The following PAM variants were observed in gnomAD, a reference collection of about 807,000 sequenced individuals.
The protein encoded by PAM is peptidylglycine alpha-amidating monooxygenase.
A neutral mutation model predicts 122.1 loss-of-function variants in PAM; 72 were observed. The observed-to-expected ratio is 0.59, with a 90% CI of 0.49 to 0.72. PAM has a LOEUF of 0.72. PAM is among the 30% of genes least tolerant of loss of function. The pLI, the probability that PAM is intolerant of heterozygous loss-of-function variation, is 0.00. For synonymous variants in PAM, 389 were observed against 404.4 expected, an observed-to-expected ratio of 0.96 and a Z score of 0.46; for missense variants, 1,106 against 1,183.7, an observed-to-expected ratio of 0.93 and a Z score of 0.96.
At chr5:102,767,035 G>T (rs1403987451) in intron 1 of PAM, among the ~76,000 whole-genome samples, 1 of 142,958 alleles carries the variant, frequency 7.0e-6, no homozygotes, top group Non-Finnish European at 1.5e-5. Context: ...AGTTCCTGCA[G>T]ACCCTTTGAC....
Position 102,992,486 on chromosome 5 carries a change from T to C in PAM, c.1613+2085T>C, listed in dbSNP as rs7700398. ...ATTAGAAGTAGATTACTCTGTTAGT[T>C]ATTTTTTAGGAAAATAAATTTGGAT... is the stretch of plus-strand genomic sequence containing the variant. On this transcript the variant is annotated intron_variant, in intron 16 of 25. Coordinates refer to ENST00000438793, the MANE Select transcript of PAM (RefSeq NM_001177306.2). Among the ~76,000 whole-genome samples, 733 of 152,264 alleles carry C rather than the reference T, an allele frequency of 4.8e-3. 6 individuals are homozygous for C. The highest frequency in any genetic ancestry group is 0.016 in the African/African-American group (655 of 41,570).
chr5:103,010,425 T>C (rs1379644609), intron 21 of PAM, among the ~76,000 whole-genome samples: 1 of 152,176 alleles, frequency 6.6e-6, no homozygotes, highest in Non-Finnish European at 1.5e-5. Flanking sequence ...CTAACGTGCT[T>C]TTTATAAACA....
intron 4 of PAM, among the ~76,000 whole-genome samples, chr5:102,904,425 G>C (rs530655056): frequency 3.3e-5 from 5 of 151,526 alleles, no homozygotes; most frequent in Non-Finnish European, 7.4e-5. Context: ...CTGAATGCGC[G>C]AGTGAATACT....
chr5:102,847,762 G>T (rs1264811220), intron 1 of PAM, among the ~76,000 whole-genome samples: 2 of 151,980 alleles, frequency 1.3e-5, no homozygotes, highest in Non-Finnish European at 2.9e-5. Context: ...AACTTATTTA[G>T]GTGGAAATAT....
At chr5:102,857,957 A>C (rs1561649526) in intron 1 of PAM, among the ~76,000 whole-genome samples, 2 of 152,236 alleles carry the variant, frequency 1.3e-5, no homozygotes, top group African/African-American at 4.8e-5. Flanking sequence ...TTCTGGAGTC[A>C]GCAGGCTAGG....
rs77242274 is a variant in PAM at position 102,829,967 on chromosome 5, T to G, written c.-373-35856T>G. On this transcript the variant is annotated intron_variant, in intron 1 of 25. Transcript: ENST00000438793. ...TCTAGAAAGAATACATAATTTATTTTCTGGGCCCTAGAGTCATACCAGGTA... is the reference window on the plus strand; with the variant it reads ...TCTAGAAAGAATACATAATTTATTTGCTGGGCCCTAGAGTCATACCAGGTA... Among the ~76,000 whole-genome samples, 550 of 152,310 alleles carry G rather than the reference T, an allele frequency of 3.6e-3. 1 individual carries two copies. The highest frequency in any genetic ancestry group is 6.2e-3 in the Non-Finnish European group (425 of 68,028).
intron 1 of PAM, among the ~76,000 whole-genome samples, chr5:102,770,676 G>A (rs1176566184): frequency 6.6e-6 from 1 of 152,020 alleles, no homozygotes; most frequent in Non-Finnish European, 1.5e-5. Flanking sequence ...TGATTGATTT[G>A]TGTATGTTAA....
intron 1 of PAM, among the ~76,000 whole-genome samples, chr5:102,819,874 G>A (rs1219794562): frequency 1.3e-5 from 2 of 152,102 alleles, no homozygotes; most frequent in African/African-American, 4.8e-5. Context: ...GACACTCTGT[G>A]ATCAACACTC....
chr5:102,975,154 A>G (rs1384116807), intron 15 of PAM, among the ~76,000 whole-genome samples: 1 of 152,088 alleles, frequency 6.6e-6, no homozygotes, highest in African/African-American at 2.4e-5. Flanking sequence ...TGTGATATTG[A>G]TTGCGTTTCA....
chr5:102,828,838 A>T (rs1384200240), intron 1 of PAM, among the ~76,000 whole-genome samples: 1 of 152,000 alleles, frequency 6.6e-6, no homozygotes. Context: ...CCAAAGTAGT[A>T]GAATACAGCT....
intron 1 of PAM, among the ~76,000 whole-genome samples, chr5:102,766,017 T>TA (rs750545843): frequency 5.9e-5 from 9 of 152,084 alleles, no homozygotes; most frequent in Non-Finnish European, 1.2e-4. Context: ...ACAATACACA[T>TA]ACAAGAAAGG....
intron 1 of PAM, among the ~76,000 whole-genome samples, chr5:102,755,684 C>T (rs32670): frequency 0.45 from 67,640 of 151,614 alleles, 15,268 homozygotes; most frequent in African/African-American, 0.49. Flanking sequence ...CTCCTTGTGC[C>T]CTCTCCCTAG....
chr5:103,006,618 T>C (rs186132389), intron 18 of PAM, among the ~76,000 whole-genome samples, 183 bp from the exon 19 acceptor site: 101 of 152,320 alleles, frequency 6.6e-4, no homozygotes, highest in African/African-American at 2.4e-3. Flanking sequence ...TATTATCAAA[T>C]GAAGGAACCA....
chr5:103,016,656 A>G (rs540056177), intron 21 of PAM, among the ~76,000 whole-genome samples: 2 of 152,134 alleles, frequency 1.3e-5, no homozygotes, highest in East Asian at 1.9e-4. Context: ...GATATATTAA[A>G]ATACAGAGCA....
intron 1 of PAM, among the ~76,000 whole-genome samples, chr5:102,861,026 G>A (rs559383019): frequency 9.1e-4 from 138 of 152,246 alleles, no homozygotes; most frequent in Non-Finnish European, 1.2e-3. Flanking sequence ...CACTCTGGGG[G>A]AAGCCAGCTG....
intron 4 of PAM, among the ~76,000 whole-genome samples, chr5:102,908,381 T>C (rs1339346062): frequency 1.3e-5 from 2 of 151,980 alleles, no homozygotes; most frequent in East Asian, 1.9e-4. Flanking sequence ...TGTAGCCTTG[T>C]AGTATAGTTT....
At chr5:102,783,677 T>C (rs1759658333) in intron 1 of PAM, among the ~76,000 whole-genome samples, 1 of 152,160 alleles carries the variant, frequency 6.6e-6, no homozygotes, top group Non-Finnish European at 1.5e-5. Flanking sequence ...TCTGTGCCAG[T>C]TTGCATACTG....
chr5:103,011,770 G>C (rs963258681), intron 21 of PAM, among the ~76,000 whole-genome samples: 1 of 152,002 alleles, frequency 6.6e-6, no homozygotes, highest in Non-Finnish European at 1.5e-5. Flanking sequence ...TTTCTTTTTG[G>C]CATATAACCA....
At chr5:102,928,243 T>G (rs1464641721) in intron 7 of PAM, among the ~76,000 whole-genome samples, 2 of 152,232 alleles carry the variant, frequency 1.3e-5, no homozygotes, top group African/African-American at 2.4e-5. Flanking sequence ...CCCTAACAGA[T>G]ACTGCATTGA....
Sources: gnomAD v4.1 joint callset for allele counts (sites outside exome capture counted in the v4.1 genomes callset) on GRCh38, gnomAD v4.1.1 for gene constraint, MANE v1.5 for transcripts, NCBI Gene and HGNC (gene_info 2026-07-23, HGNC 2026-07-21) for gene names.